Variants in ZNF532 observed in about 807,000 individuals in gnomAD.
The protein encoded by ZNF532 is zinc finger protein 532.
ZNF532 carries 22 observed loss-of-function variants against 89.3 expected under a neutral mutation model. That is an observed-to-expected ratio of 0.25 (90% CI 0.18 to 0.35). ZNF532 has a LOEUF of 0.35. Ranked by LOEUF, ZNF532 falls within the 10% of genes least tolerant of loss-of-function variation. The pLI is 1.00. For synonymous variants in ZNF532, 606 were observed against 649.6 expected (o/e 0.93, Z 1.02); for missense variants, 1,132 against 1,643.4 (o/e 0.69, Z 5.38).
At chr18:58,886,340 C>T (rs938969597) in intron 2 of ZNF532, among the ~76,000 whole-genome samples, 2 of 152,042 alleles carry the variant, frequency 1.3e-5, no homozygotes, top group Middle Eastern at 3.2e-3. Context: ...AATATAAAAA[C>T]GTATGCTTAT....
chr18:58,870,544 G>T (rs1342864107), intron 2 of ZNF532, among the ~76,000 whole-genome samples: 2 of 152,182 alleles, frequency 1.3e-5, no homozygotes, highest in African/African-American at 4.8e-5. Context: ...TTGGTGCAGT[G>T]CCTTGAGGAT....
chr18:58,954,982 T>C (rs888533108), intron 7 of ZNF532, among the ~76,000 whole-genome samples: 2 of 152,208 alleles, frequency 1.3e-5, no homozygotes, highest in African/African-American at 4.8e-5. Context: ...CCCAAAGTGC[T>C]GGATTACAGG....
At chr18:58,939,246 C>CAAAAAAAAAAAAAAAAAAAAAAA (rs71336307) in intron 4 of ZNF532, among the ~76,000 whole-genome samples, 199 bp from the exon 5 acceptor site, 3 of 34,508 alleles carry the variant, frequency 8.7e-5, no homozygotes, top group South Asian at 1.1e-3. Context: ...GACGTTGTCT[C>CAAAAAAAAAAAAAAAAAAAAAAA]AAAAAAAAAA....
At chr18:58,929,522 G>A (rs917433036) in intron 3 of ZNF532, among the ~76,000 whole-genome samples, 17 of 152,158 alleles carry the variant, frequency 1.1e-4, no homozygotes, top group African/African-American at 4.1e-4. Context: ...TTTTGGTCCT[G>A]CTCTTCTAAG....
At chr18:58,888,413 C>T (rs573848221) in intron 2 of ZNF532, among the ~76,000 whole-genome samples, 9 of 151,870 alleles carry the variant, frequency 5.9e-5, no homozygotes, top group South Asian at 2.1e-4. Context: ...CAGTGGCTCA[C>T]GCCTGTAATC....
intron 7 of ZNF532, among the ~76,000 whole-genome samples, chr18:58,956,101 A>C (rs1357885115): frequency 6.6e-6 from 1 of 152,250 alleles, no homozygotes; most frequent in Non-Finnish European, 1.5e-5. Flanking sequence ...TAATGATTAG[A>C]TCTAGGATAT....
intron 2 of ZNF532, among the ~76,000 whole-genome samples, chr18:58,887,180 G>C (rs115754275): frequency 4.6e-5 from 7 of 152,376 alleles, no homozygotes; most frequent in African/African-American, 1.7e-4. Context: ...GTAGGGGCCC[G>C]AGGGGCCCTG....
chr18:58,965,407 C>A (rs1206215904), intron 7 of ZNF532, among the ~76,000 whole-genome samples: 2 of 152,218 alleles, frequency 1.3e-5, no homozygotes, highest in Non-Finnish European at 2.9e-5. Flanking sequence ...GGTTTTGCAG[C>A]CTGCCAGAGG....
intron 9 of ZNF532, among the ~76,000 whole-genome samples, chr18:58,982,764 C>CAGACTGATGTGGCATT (rs1327836415): frequency 2.0e-5 from 3 of 152,150 alleles, no homozygotes; most frequent in Non-Finnish European, 2.9e-5. Flanking sequence ...GAATATAAGT[C>CAGACTGATGTGGCATT]AGACTGATGT....
At chr18:58,876,219 C>A (rs953027486) in intron 2 of ZNF532, among the ~76,000 whole-genome samples, 1 of 152,064 alleles carries the variant, frequency 6.6e-6, no homozygotes, top group South Asian at 2.1e-4. Flanking sequence ...CAGGCGTGAG[C>A]CACCGCGCCC....
intron 5 of ZNF532, among the ~76,000 whole-genome samples, chr18:58,947,081 C>T (rs1480901132): frequency 2.0e-5 from 3 of 152,166 alleles, no homozygotes; most frequent in African/African-American, 7.2e-5. Flanking sequence ...TGACCTTTTC[C>T]TAAGCGGCTC....
chr18:58,895,600 C>T (rs534926733), intron 2 of ZNF532, among the ~76,000 whole-genome samples: 17 of 152,266 alleles, frequency 1.1e-4, no homozygotes, highest in African/African-American at 3.6e-4. Context: ...GGCTGCCAGT[C>T]TATATCGTAC....
chr18:58,864,074 G>A, upstream of ZNF532: 1 of 152,202 alleles, frequency 6.6e-6, no homozygotes. Flanking sequence ...TACTCCCCCC[G>A]CCGGCGCCGG....
intron 2 of ZNF532, among the ~76,000 whole-genome samples, chr18:58,901,725 T>C (rs1474589966): frequency 6.6e-6 from 1 of 152,146 alleles, no homozygotes; most frequent in Non-Finnish European, 1.5e-5. Flanking sequence ...TAGCATGGCC[T>C]AAGGATTGCC....
chr18:58,904,015 G>T (rs529884843), intron 2 of ZNF532, among the ~76,000 whole-genome samples: 21 of 152,242 alleles, frequency 1.4e-4, no homozygotes, highest in African/African-American at 5.1e-4. Context: ...AGTAATAATA[G>T]GTGGCCTTTT....
At chr18:58,971,255 G>C (rs2066449798) in intron 7 of ZNF532, among the ~76,000 whole-genome samples, 1 of 152,142 alleles carries the variant, frequency 6.6e-6, no homozygotes, top group African/African-American at 2.4e-5. Flanking sequence ...CTGGTTCTCA[G>C]AACCTGTTTA....
chr18:58,925,899 A>G (rs757006350), intron 3 of ZNF532, among the ~76,000 whole-genome samples: 15 of 152,092 alleles, frequency 9.9e-5, no homozygotes, highest in Non-Finnish European at 1.8e-4. Context: ...TCAGTTAGGC[A>G]TTTGTGTGGG....
At chr18:58,956,602 C>T (rs375965089) in intron 7 of ZNF532, among the ~76,000 whole-genome samples, 5 of 152,250 alleles carry the variant, frequency 3.3e-5, no homozygotes, top group South Asian at 4.2e-4. Context: ...GTCTTTTCTC[C>T]GTCTTCCTTC....
chr18:58,891,927 A>G (rs968840739), intron 2 of ZNF532, among the ~76,000 whole-genome samples: 14 of 152,224 alleles, frequency 9.2e-5, no homozygotes, highest in South Asian at 2.1e-4. Context: ...CTTCAGGCCA[A>G]GATCCTTTAG....
Sources: gnomAD v4.1 joint callset for allele counts (sites outside exome capture counted in the v4.1 genomes callset) on GRCh38, gnomAD v4.1.1 for gene constraint, MANE v1.5 for transcripts, NCBI Gene and HGNC (gene_info 2026-07-23, HGNC 2026-07-21) for gene names.